Variants in SCARB1 observed in about 807,000 individuals in gnomAD.
SCARB1 encodes CD36 and LIMPII analogous 1.
Under a neutral mutation model 57.2 loss-of-function variants are expected in SCARB1, and 30 were observed. The observed-to-expected ratio is 0.52, with a 90% CI of 0.39 to 0.71. SCARB1 has a LOEUF of 0.71. Among genes scored for constraint, SCARB1 ranks in the 30% least tolerant of loss-of-function variants. The pLI is 0.00. For synonymous variants in SCARB1, 249 were observed against 268.3 expected (o/e 0.93, Z 0.70); for missense variants, 543 against 671.2 (o/e 0.81, Z 2.11).
At chr12:124,843,290 T>TCG (rs564951567) in intron 1 of SCARB1, among the ~76,000 whole-genome samples, 6 of 103,560 alleles carry the variant, frequency 5.8e-5, no homozygotes, top group African/African-American at 2.0e-4. Context: ...TCTGTGGAGA[T>TCG]GGGGGGGGGG....
intron 1 of SCARB1, among the ~76,000 whole-genome samples, chr12:124,853,385 G>GTTTTT (rs1228834041): frequency 8.1e-6 from 1 of 123,812 alleles, no homozygotes; most frequent in African/African-American, 3.0e-5. Flanking sequence ...AGTTTGCATA[G>GTTTTT]TTTTGTTTTT....
At position 124,816,005 on chromosome 12, in the gene SCARB1, G is replaced by C. The variant is rs2343394; in HGVS notation, c.285-891C>G. On this transcript the variant is annotated intron_variant, in intron 2 of 12. Coordinates refer to ENST00000261693, the MANE Select transcript of SCARB1 (RefSeq NM_005505.5). The stretch of plus-strand genomic sequence containing the variant: ...CGTCTCTCCACTGTCTCCCTCCCTC[G>C]TAACCCCAGCCGCACAGGCCTCTGT... Among the ~76,000 whole-genome samples, 3 of 151,512 alleles carry C rather than the reference G, an allele frequency of 2.0e-5. No homozygotes were observed. In the East Asian group the frequency reaches 5.8e-4, roughly 29 times the overall value.
rs982558331 is a variant in SCARB1 at position 124,777,207 on chromosome 12, A to T, written c.*1380T>A. 4 of 152,302 alleles carry T rather than the reference A, an allele frequency of 2.6e-5. No individual in the cohort carries two copies. In the East Asian group the frequency reaches 7.7e-4, roughly 29 times the overall value. The allele number at this position is 152,302 out of a possible 1,614,324, so 9.4% of individuals were successfully genotyped here. A position where few individuals can be genotyped will look rare whatever the true frequency, so the allele number is the denominator to read the frequency against. ...AAGATGAGAACTTTTAGATGGCTCC[A>T]ATCTGTTCTCTTACCCGCTTCTCTT... On this transcript the variant is annotated 3_prime_UTR_variant, in exon 13 of 13. Coordinates refer to ENST00000261693, the MANE Select transcript of SCARB1 (RefSeq NM_005505.5).
intron 12 of SCARB1, among the ~76,000 whole-genome samples, chr12:124,781,177 C>A (rs1335956131): frequency 6.6e-6 from 1 of 152,246 alleles, no homozygotes; most frequent in Non-Finnish European, 1.5e-5. Context: ...GCTGGCAGCG[C>A]CTGCCAACGC....
At chr12:124,811,744 C>A in intron 5 of SCARB1, 126 bp downstream of exon 5, 2 of 708,168 alleles carry the variant, frequency 2.8e-6, no homozygotes, top group Non-Finnish European at 5.1e-6. Context: ...AGTGTTCATC[C>A]TCCCAGCACC....
rs1950358259 is a variant in SCARB1, at chr12:124,807,384, G to A, written c.1009+377C>T. 6.6e-6 allele frequency among the ~76,000 whole-genome samples: 1 copy of A among 152,084 alleles called. No homozygotes were observed. The highest frequency in any genetic ancestry group is 6.6e-5 in the Admixed American group (1 of 15,258). ...GCCTCAAAGGTGGAGGAAGGGCCCG[G>A]GAGCCAAGAAACACAGAGGGGCCTC... On this transcript the variant is annotated intron_variant, in intron 7 of 12. Transcript: ENST00000261693. The surrounding 1 kb of genome is among the most constrained non-coding windows in gnomAD (Gnocchi z 5.3).
chr12:124,806,549 G>A (rs1052358268), intron 7 of SCARB1, among the ~76,000 whole-genome samples: 1 of 152,186 alleles, frequency 6.6e-6, no homozygotes, highest in African/African-American at 2.4e-5. Context: ...CCATGACTAT[G>A]TCAGGTCACA....
chr12:124,854,672 G>A (rs185160773), intron 1 of SCARB1, among the ~76,000 whole-genome samples: 4 of 152,210 alleles, frequency 2.6e-5, no homozygotes, highest in East Asian at 3.9e-4. Context: ...ACTTTCTGAC[G>A]GGTTCTCTGA....
In SCARB1 at chr12:124,857,007, T is replaced by C. The variant is rs575032233; in HGVS notation, c.126+6588A>G. ...GCCTCGAAGGGACCCTGCTGTTCCCTGGTGATGCACAGAAAAGGAAGGGGC... is the reference window on the plus strand; with the variant it reads ...GCCTCGAAGGGACCCTGCTGTTCCCCGGTGATGCACAGAAAAGGAAGGGGC... On this transcript the variant is annotated intron_variant, in intron 1 of 12. Coordinates refer to ENST00000261693, the MANE Select transcript of SCARB1 (RefSeq NM_005505.5). 4.9e-4 allele frequency among the ~76,000 whole-genome samples: 75 copies of C among 152,258 alleles called. 1 individual carries two copies. The highest frequency in any genetic ancestry group is 1.7e-3 in the African/African-American group (69 of 41,548).
chr12:124,862,345 A>G (rs1952934240), intron 1 of SCARB1: 1 of 152,116 alleles, frequency 6.6e-6, no homozygotes, highest in Non-Finnish European at 1.5e-5. Flanking sequence ...AAAAATAGAC[A>G]CAACGTGGCT....
intron 1 of SCARB1, among the ~76,000 whole-genome samples, chr12:124,842,895 A>C (rs769236275): frequency 4.3e-4 from 66 of 152,250 alleles, no homozygotes; most frequent in Non-Finnish European, 6.5e-4. Context: ...TAGGTGCCCC[A>C]GCCAAGAGGC....
chr12:124,860,929 C>T (rs888868434), intron 1 of SCARB1, among the ~76,000 whole-genome samples: 1 of 152,150 alleles, frequency 6.6e-6, no homozygotes, highest in Non-Finnish European at 1.5e-5. Context: ...AGTTCACCTA[C>T]ACTTAGTTCA....
chr12:124,815,088 GT>G lies in SCARB1; in HGVS notation c.310del (p.Thr104ProfsTer43), dbSNP rs1342412238. ...GGACACGGTGTCGTTGTTGTTGAAGGTGATGTTGCTTTTGTGCCTGAACTCC... is the reference window on the plus strand; with the variant it reads ...GGACACGGTGTCGTTGTTGTTGAAGGGATGTTGCTTTTGTGCCTGAACTCC... ...YREFRHKSNI[T>X]FNNNDTVSFL... On this transcript the variant is annotated frameshift_variant, in exon 3 of 13. Coordinates refer to ENST00000261693, the MANE Select transcript of SCARB1 (RefSeq NM_005505.5). LOFTEE classifies it high-confidence loss of function. 1 of 1,613,860 alleles carries G rather than the reference GT, an allele frequency of 6.2e-7. No homozygotes were observed. The highest frequency in any genetic ancestry group is 2.2e-5 in the East Asian group (1 of 44,884).
chr12:124,778,853 G>A (rs546092476), intron 12 of SCARB1, among the ~76,000 whole-genome samples: 7 of 152,346 alleles, frequency 4.6e-5, no homozygotes, highest in East Asian at 3.9e-4. Context: ...AATACAGTGA[G>A]GGGCAGAGCA....
At chr12:124,853,545 C>T (rs1566260485) in intron 1 of SCARB1, among the ~76,000 whole-genome samples, 1 of 152,056 alleles carries the variant, frequency 6.6e-6, no homozygotes, top group African/African-American at 2.4e-5. Flanking sequence ...CAGGCACATG[C>T]CACCACGCCT....
At chr12:124,820,945 T>A (rs965738605) in intron 1 of SCARB1, among the ~76,000 whole-genome samples, 4 of 152,038 alleles carry the variant, frequency 2.6e-5, no homozygotes, top group Non-Finnish European at 5.9e-5. Context: ...GCTGCTTTTT[T>A]AAAAAAGCAA....
At chr12:124,824,953 A>G (rs760055337) in intron 1 of SCARB1, among the ~76,000 whole-genome samples, 4 of 152,164 alleles carry the variant, frequency 2.6e-5, no homozygotes, top group Non-Finnish European at 5.9e-5. Flanking sequence ...GGCCAGGTGC[A>G]GTGGCTCACG....
At position 124,812,921 on chromosome 12, in the gene SCARB1, G is replaced by C. The variant is rs1200376052; in HGVS notation, c.631-956C>G. On this transcript the variant is annotated intron_variant, in intron 4 of 12. Coordinates refer to ENST00000261693, the MANE Select transcript of SCARB1 (RefSeq NM_005505.5). The surrounding 1 kb of genome is among the most constrained non-coding windows in gnomAD (Gnocchi z 4.3). ...AAAAACGGCCAGGTACAGTGCACCGGACACAGTAAGAGCTCAAAATGATAG... is the reference window on the plus strand; with the variant it reads ...AAAAACGGCCAGGTACAGTGCACCGCACACAGTAAGAGCTCAAAATGATAG... Among the ~76,000 whole-genome samples the C allele has an allele frequency of 6.6e-6, 1 of 152,118 alleles. No homozygotes were observed. Among genetic ancestry groups the C allele is most frequent in the Non-Finnish European group, 1.5e-5 (1 of 68,034 alleles).
chr12:124,780,598 C>T (rs964694918), intron 12 of SCARB1, among the ~76,000 whole-genome samples: 2 of 152,220 alleles, frequency 1.3e-5, no homozygotes, highest in African/African-American at 4.8e-5. Context: ...GTTTCACATG[C>T]CTAGGGGATC....
Sources: gnomAD v4.1 joint callset for allele counts (sites outside exome capture counted in the v4.1 genomes callset) on GRCh38, gnomAD v4.1.1 for gene constraint, Gnocchi (gnomAD v3.1) non-coding constraint, MANE v1.5 for transcripts, NCBI Gene and HGNC (gene_info 2026-07-23, HGNC 2026-07-21) for gene names.